Variants in NAALADL2 observed in about 807,000 individuals in gnomAD.
NAALADL2 encodes the protein N-acetylated alpha-linked acidic dipeptidase like 2.
Under a neutral mutation model 87.2 loss-of-function variants are expected in NAALADL2, and 76 were observed. That is an observed-to-expected ratio of 0.87 (90% CI 0.72 to 1.05). The LOEUF (loss-of-function observed/expected upper bound fraction) is 1.05, where lower values mean the gene tolerates loss of function less well. NAALADL2 is among the 50% of genes least tolerant of loss of function. NAALADL2 has a pLI of 0.00. For synonymous variants in NAALADL2, 354 were observed against 331.0 expected (o/e 1.07, Z -0.75); for missense variants, 1,089 against 945.8 (o/e 1.15, Z -1.99).
chr3:175,797,636 G>A (rs558792791), intron 13 of NAALADL2, among the ~76,000 whole-genome samples: 84 of 152,166 alleles, frequency 5.5e-4, no homozygotes, highest in African/African-American at 1.9e-3. Context: ...TCAGTTCCTA[G>A]TCTTTCCCAA....
At chr3:174,794,981 C>CA in intron 3 of NAALADL2, among the ~76,000 whole-genome samples, 1 of 66,706 alleles carries the variant, frequency 1.5e-5, no homozygotes, top group East Asian at 4.5e-4. Context: ...TCTAGTCCAG[C>CA]TTTTTTTTTT....
intron 9 of NAALADL2, among the ~76,000 whole-genome samples, chr3:175,548,637 C>A (rs1418429336): frequency 1.3e-5 from 2 of 151,948 alleles, no homozygotes; most frequent in Non-Finnish European, 2.9e-5. Context: ...TACTCCTAAG[C>A]CTTGCTAAAT....
At chr3:175,377,107 G>A (rs1200874549) in intron 5 of NAALADL2, among the ~76,000 whole-genome samples, 1 of 152,046 alleles carries the variant, frequency 6.6e-6, no homozygotes, top group African/African-American at 2.4e-5. Flanking sequence ...GAGGCCAGGA[G>A]TTCAAACCCT....
At chr3:175,667,867 T>C (rs1462882845) in intron 11 of NAALADL2, among the ~76,000 whole-genome samples, 2 of 152,030 alleles carry the variant, frequency 1.3e-5, no homozygotes, top group Non-Finnish European at 1.5e-5. Context: ...TTCTGTTTAG[T>C]GGTTTTAATA....
chr3:175,716,369 A>G (rs1167547971), intron 11 of NAALADL2, among the ~76,000 whole-genome samples: 1 of 147,844 alleles, frequency 6.8e-6, no homozygotes, highest in Admixed American at 6.8e-5. Flanking sequence ...GTGTGTGTAT[A>G]TGTATACATA....
intron 2 of NAALADL2, among the ~76,000 whole-genome samples, chr3:175,149,217 TAAAC>T (rs1035470568): frequency 6.6e-6 from 1 of 152,170 alleles, no homozygotes; most frequent in Non-Finnish European, 1.5e-5. Flanking sequence ...ATAAATTGGA[TAAAC>T]AAACCTGTTT....
intron 9 of NAALADL2, among the ~76,000 whole-genome samples, chr3:175,525,893 AG>A (rs891353077): frequency 3.9e-5 from 6 of 152,160 alleles, no homozygotes; most frequent in Non-Finnish European, 2.9e-5. Context: ...TTTTCCGAAA[AG>A]TAACACTTTA....
intron 3 of NAALADL2, among the ~76,000 whole-genome samples, chr3:175,248,262 G>A (rs545257704): frequency 1.1e-3 from 170 of 152,260 alleles, no homozygotes; most frequent in African/African-American, 3.9e-3. Context: ...TTTGTAAAAA[G>A]GGGGGATGAT....
chr3:174,836,505 T>C (rs1047178602), intron 3 of NAALADL2, among the ~76,000 whole-genome samples: 1 of 151,900 alleles, frequency 6.6e-6, no homozygotes, highest in Non-Finnish European at 1.5e-5. Flanking sequence ...ATTGAGACCA[T>C]CCTGGCTAAC....
intron 7 of NAALADL2, among the ~76,000 whole-genome samples, chr3:175,463,822 T>G (rs1178241563): frequency 1.3e-5 from 2 of 152,050 alleles, no homozygotes; most frequent in Non-Finnish European, 2.9e-5. Context: ...AAAGTTTTCT[T>G]TTTTCTTATA....
intron 9 of NAALADL2, among the ~76,000 whole-genome samples, chr3:175,567,389 T>C (rs1042209241): frequency 1.3e-5 from 2 of 152,038 alleles, no homozygotes; most frequent in African/African-American, 2.4e-5. Flanking sequence ...ATTTTTTTTT[T>C]CTTAGAGATT....
chr3:174,530,219 T>C (rs900663121), intron 1 of NAALADL2, among the ~76,000 whole-genome samples: 2 of 152,154 alleles, frequency 1.3e-5, no homozygotes, highest in Non-Finnish European at 2.9e-5. Flanking sequence ...CACAAATCTC[T>C]AGGATAGAGG....
intron 1 of NAALADL2, among the ~76,000 whole-genome samples, chr3:175,053,881 A>G (rs1711527316): frequency 6.6e-6 from 1 of 152,234 alleles, no homozygotes; most frequent in Non-Finnish European, 1.5e-5. Flanking sequence ...AATGTCTCGC[A>G]TTAGATATTG....
At chr3:174,816,830 C>G (rs1720865651) in intron 3 of NAALADL2, among the ~76,000 whole-genome samples, 1 of 152,098 alleles carries the variant, frequency 6.6e-6, no homozygotes, top group Admixed American at 6.6e-5. Flanking sequence ...CATTGCAAGG[C>G]AACACTGAGA....
rs1754572085 is a variant in NAALADL2 at position 175,804,945 on chromosome 3, T to C, written c.*1742T>C. ...CTTACAATATTATTTTTTTAACCAA[T>C]GTATTTGTTTGCAAACATTTGCCAT... is the stretch of plus-strand genomic sequence containing the variant. On this transcript the variant is annotated 3_prime_UTR_variant, in exon 14 of 14. Coordinates refer to ENST00000454872, the MANE Select transcript of NAALADL2 (RefSeq NM_207015.3). 1 of 151,918 alleles carries C rather than the reference T, an allele frequency of 6.6e-6. No individual in the cohort carries two copies. The highest frequency in any genetic ancestry group is 6.6e-5 in the Admixed American group (1 of 15,216). 9.4% of individuals were successfully genotyped at this position (151,918 alleles called of 1,614,324 possible).
At chr3:174,722,941 G>C (rs890128036) in intron 2 of NAALADL2, among the ~76,000 whole-genome samples, 1 of 152,148 alleles carries the variant, frequency 6.6e-6, no homozygotes, top group Non-Finnish European at 1.5e-5. Flanking sequence ...GTGGCTAGCA[G>C]ATACCATCTT....
intron 11 of NAALADL2, among the ~76,000 whole-genome samples, chr3:175,689,212 G>A (rs551422794): frequency 5.3e-4 from 81 of 152,266 alleles, no homozygotes; most frequent in Non-Finnish European, 5.7e-4. Context: ...GCAAGTGTTA[G>A]ATGTAAAGGA....
rs549641424 is a variant in NAALADL2 at position 174,515,679 on chromosome 3, T to A, written c.-183-34890T>A. Among the ~76,000 whole-genome samples the A allele has an allele frequency of 6.8e-5, 10 of 147,386 alleles. No homozygotes were observed. The South Asian group carries it at 1.9e-3, about 28-fold the overall frequency. On this transcript the variant is annotated intron_variant, in intron 1 of 3. Transcript: ENST00000434257. ...GGAAAAGTAGTTGAAATCAGAGAAC[T>A]GACAATTGGAAAAAAAAAAAAACCC...
intron 9 of NAALADL2, among the ~76,000 whole-genome samples, chr3:175,496,811 C>T (rs917545583): frequency 1.6e-4 from 25 of 152,142 alleles, no homozygotes; most frequent in African/African-American, 3.6e-4. Flanking sequence ...CCACCTGCCT[C>T]GGCCTCCCAA....
Sources: allele counts gnomAD v4.1 joint callset (sites outside exome capture counted in the v4.1 genomes callset), GRCh38; gene constraint gnomAD v4.1.1; transcripts MANE v1.5; gene names NCBI Gene and HGNC (gene_info 2026-07-23, HGNC 2026-07-21).